COPS3: variants seen among roughly 807,000 people sequenced by gnomAD.
The protein encoded by COPS3 is COP9 signalosome complex subunit 3.
Under a neutral mutation model 58.2 loss-of-function variants are expected in COPS3, and 10 were observed. The observed-to-expected ratio is 0.17, with a 90% CI of 0.11 to 0.29. The LOEUF (loss-of-function observed/expected upper bound fraction) is 0.29. Ranked by LOEUF, COPS3 falls within the 10% of genes least tolerant of loss-of-function variation. COPS3 has a pLI of 1.00. For synonymous variants in COPS3, 187 were observed against 181.7 expected (o/e 1.03, Z -0.24); for missense variants, 333 against 510.1 (o/e 0.65, Z 3.34).
At chr17:17,247,402 T>C in intron 11 of COPS3, 78 bp downstream of exon 11, 1 of 1,330,884 alleles carries the variant, frequency 7.5e-7, no homozygotes, top group South Asian at 1.2e-5. Context: ...AACCTGAAAC[T>C]TAGTTCCTGT....
intron 9 of COPS3, among the ~76,000 whole-genome samples, chr17:17,251,216 G>A (rs1211596820): frequency 4.6e-5 from 7 of 151,782 alleles, no homozygotes; most frequent in African/African-American, 1.2e-4. Context: ...GGATGCTCTC[G>A]ATCTCCTGAC....
intron 9 of COPS3, among the ~76,000 whole-genome samples, chr17:17,251,163 T>A (rs1016259462): frequency 1.3e-5 from 2 of 151,820 alleles, no homozygotes; most frequent in African/African-American, 2.4e-5. Flanking sequence ...CCTGGCTAAT[T>A]TTTTGTACTT....
chr17:17,268,956 AG>A, intron 4 of COPS3, among the ~76,000 whole-genome samples: 1 of 152,340 alleles, frequency 6.6e-6, no homozygotes, highest in Admixed American at 6.5e-5. Flanking sequence ...ATGGTTACTT[AG>A]TACTACAAAA....
chr17:17,264,817 G>T lies in COPS3; in HGVS notation c.606C>A (p.Leu202=). 6.2e-7 allele frequency: 1 copy of T among 1,605,486 alleles called. No homozygotes were observed. Among genetic ancestry groups the T allele is most frequent in the Admixed American group, 1.8e-5 (1 of 56,656 alleles). The part of the protein sequence containing the change: ...YTGLKNFERA[L]YFYEQAITTP... ...GAGAGATTACCTGTTCATAAAAGTA[G>T]AGAGCTCTTTCAAAGTTCTTCAGCC... Residue 202 remains leucine (L), a synonymous_variant, in exon 6 of 12, where the codon CTC becomes CTA. Transcript: ENST00000268717.
intron 4 of COPS3, 94 bp downstream of exon 4, chr17:17,270,664 C>T (rs1037922336): frequency 4.5e-6 from 5 of 1,121,472 alleles, no homozygotes; most frequent in Admixed American, 2.2e-5. Flanking sequence ...GTGGTGGATG[C>T]TCAGTACTAA....
intron 9 of COPS3, among the ~76,000 whole-genome samples, chr17:17,250,457 T>C (rs895615771): frequency 1.3e-5 from 2 of 152,118 alleles, no homozygotes; most frequent in Non-Finnish European, 2.9e-5. Context: ...CGTTTTGCCA[T>C]GTTGGCCAGG....
intron 5 of COPS3, among the ~76,000 whole-genome samples, chr17:17,267,428 C>A (rs2048250961): frequency 6.6e-6 from 1 of 151,496 alleles, no homozygotes; most frequent in Non-Finnish European, 1.5e-5. Context: ...ATCATGAGGT[C>A]AGGAGTTCAA....
At position 17,246,957 on chromosome 17, in the gene COPS3, C is replaced by A; in HGVS notation, c.*141G>T. 2.7e-6 allele frequency: 2 copies of A among 732,886 alleles called. No homozygotes were observed. The highest frequency in any genetic ancestry group is 4.9e-6 in the Non-Finnish European group (2 of 408,718). 45.4% of individuals were successfully genotyped at this position (732,886 alleles called of 1,614,324 possible). ...CAGAGAAAATGGTTTTCTGAAAGCACACAGGACTGAAGATGTCAAAACAAA... is the reference window on the plus strand; with the variant it reads ...CAGAGAAAATGGTTTTCTGAAAGCAAACAGGACTGAAGATGTCAAAACAAA... On this transcript the variant is annotated 3_prime_UTR_variant, in exon 12 of 12. Transcript: ENST00000268717.
intron 1 of COPS3, 145 bp from the exon 2 acceptor site, chr17:17,276,309 AC>A: frequency 1.9e-6 from 2 of 1,029,644 alleles, no homozygotes; most frequent in Non-Finnish European, 2.8e-6. Flanking sequence ...ATCCAGAAGG[AC>A]CAGAGGAGTG....
chr17:17,264,681 G>T, intron 6 of COPS3, 121 bp downstream of exon 6: 1 of 746,322 alleles, frequency 1.3e-6, no homozygotes, highest in Non-Finnish European at 2.2e-6. Flanking sequence ...AGTAGTCTCT[G>T]AAAGGACCAA....
rs757348538 is a variant in COPS3 at position 17,270,966 on chromosome 17, C to A, written c.228G>T (p.Thr76=). Residue 76 remains threonine (T), a synonymous_variant, in exon 3 of 12, where the codon ACG becomes ACT. Coordinates refer to ENST00000268717, the MANE Select transcript of COPS3 (RefSeq NM_003653.4). ...FSMPSVPDFE[T]LFSQVQLFIS... ...TGAAGAGCTGAACCTGTGAGAATAG[C>A]GTTTCGAAGTCAGGAACACTGGGCA... The A allele has an allele frequency of 3.1e-6, 5 of 1,613,918 alleles. No homozygotes were observed. Among genetic ancestry groups the A allele is most frequent in the Non-Finnish European group, 3.4e-6 (4 of 1,179,962 alleles).
At chr17:17,256,013 CAA>C (rs771287385) in intron 8 of COPS3, among the ~76,000 whole-genome samples, 18 of 112,850 alleles carry the variant, frequency 1.6e-4, no homozygotes, top group Admixed American at 2.7e-4. Flanking sequence ...ACTAAAAATA[CAA>C]AAAAAAAAAA....
At chr17:17,268,452 T>C (rs1485223839) in intron 4 of COPS3, among the ~76,000 whole-genome samples, 2 of 152,196 alleles carry the variant, frequency 1.3e-5, no homozygotes, top group African/African-American at 4.8e-5. Flanking sequence ...AAGGACTGTT[T>C]CCTGCCCTGA....
intron 1 of COPS3, among the ~76,000 whole-genome samples, chr17:17,280,379 G>A (rs1295991300): frequency 6.6e-6 from 1 of 151,264 alleles, no homozygotes. Flanking sequence ...CTCCAGCCTG[G>A]GAGACAGTGA....
intron 5 of COPS3, among the ~76,000 whole-genome samples, chr17:17,265,864 T>G (rs777886218): frequency 2.2e-4 from 34 of 152,180 alleles, no homozygotes; most frequent in Non-Finnish European, 4.4e-4. Flanking sequence ...ACTAGTGGAA[T>G]AGAAAGAGAC....
intron 6 of COPS3, 59 bp from the exon 7 acceptor site, chr17:17,262,165 C>T: frequency 6.9e-7 from 1 of 1,457,786 alleles, no homozygotes; most frequent in Non-Finnish European, 9.4e-7. Context: ...AAACAACAAT[C>T]AACCACATGT....
chr17:17,256,124 A>G (rs866756836), intron 8 of COPS3, among the ~76,000 whole-genome samples: 66 of 151,572 alleles, frequency 4.4e-4, no homozygotes, highest in African/African-American at 1.3e-3. Context: ...GCTTGTTGTG[A>G]GCCAAGATCA....
chr17:17,277,183 T>C (rs756479450), intron 1 of COPS3, among the ~76,000 whole-genome samples: 1 of 152,170 alleles, frequency 6.6e-6, no homozygotes, highest in Non-Finnish European at 1.5e-5. Flanking sequence ...AGCAATCAAC[T>C]TGTGGCGTCT....
rs765486134 is a variant in COPS3, at chr17:17,254,977, A to G, written c.937-32T>C. 4 of 1,467,662 alleles carry G rather than the reference A, an allele frequency of 2.7e-6. No homozygotes were observed. The African/African-American group carries it at 5.6e-5, about 21-fold the overall frequency. 90.9% of individuals were successfully genotyped at this position (1,467,662 alleles called of 1,614,324 possible). ...GTCAGAAGCAGAATTAGTCACAGGT[A>G]GGAACAACGAAGGAAGGACATTTTA... On this transcript the variant is annotated intron_variant, in intron 8 of 11. Coordinates refer to ENST00000268717, the MANE Select transcript of COPS3 (RefSeq NM_003653.4).
Sources: allele counts gnomAD v4.1 joint callset (sites outside exome capture counted in the v4.1 genomes callset), GRCh38; gene constraint gnomAD v4.1.1; transcripts MANE v1.5; gene names NCBI Gene and HGNC (gene_info 2026-07-23, HGNC 2026-07-21).